Variants in TNIK observed in about 807,000 individuals in gnomAD.
TNIK encodes TRAF2 and NCK interacting kinase, also known as TRAF2 and NCK-interacting protein kinase.
In TNIK, 49 loss-of-function variants were observed where a neutral mutation model predicts 191.3. The observed-to-expected ratio is 0.26, with a 90% CI of 0.20 to 0.32. The LOEUF (loss-of-function observed/expected upper bound fraction) is 0.32, where lower values mean the gene tolerates loss of function less well. TNIK is among the 10% of genes least tolerant of loss of function. TNIK has a pLI of 1.00. For missense variants in TNIK, 1,155 were observed against 1,702.3 expected (o/e 0.68, Z 5.66); for synonymous variants, 594 against 600.9 (o/e 0.99, Z 0.17).
intron 2 of TNIK, among the ~76,000 whole-genome samples, chr3:171,311,066 G>A (rs1190336041): frequency 1.3e-5 from 2 of 152,000 alleles, no homozygotes; most frequent in African/African-American, 2.4e-5. Context: ...GTGGGATGGT[G>A]AGAATGTAAT....
At chr3:171,112,702 T>C (rs1726029750) in intron 18 of TNIK, among the ~76,000 whole-genome samples, 1 of 152,200 alleles carries the variant, frequency 6.6e-6, no homozygotes, top group African/African-American at 2.4e-5. Context: ...TTTTCCTTTT[T>C]ATATATGGAA....
At chr3:171,459,696 A>G (rs1236946053) in intron 1 of TNIK, among the ~76,000 whole-genome samples, 1 of 151,710 alleles carries the variant, frequency 6.6e-6, no homozygotes, top group African/African-American at 2.4e-5. Context: ...ACACACACAC[A>G]CACACACGCA....
intron 2 of TNIK, among the ~76,000 whole-genome samples, chr3:171,257,628 G>A (rs925720120): frequency 6.6e-6 from 1 of 152,186 alleles, no homozygotes; most frequent in Non-Finnish European, 1.5e-5. Context: ...TCAGGTACTT[G>A]AGAACCCATG....
chr3:171,300,198 T>C (rs1411228322), intron 2 of TNIK, among the ~76,000 whole-genome samples: 2 of 152,194 alleles, frequency 1.3e-5, no homozygotes, highest in African/African-American at 2.4e-5. Flanking sequence ...TCTTTAGATA[T>C]GAGCACATTT....
chr3:171,454,354 G>C (rs1728553050), intron 1 of TNIK, among the ~76,000 whole-genome samples: 1 of 152,080 alleles, frequency 6.6e-6, no homozygotes, highest in African/African-American at 2.4e-5. Context: ...AGGCCGAACG[G>C]GCAAGACTCG....
At chr3:171,091,839 C>A (rs1471476742) in intron 23 of TNIK, among the ~76,000 whole-genome samples, 1 of 152,180 alleles carries the variant, frequency 6.6e-6, no homozygotes, top group East Asian at 1.9e-4. Flanking sequence ...ATTTAAAAAA[C>A]CCACATTGAG....
intron 2 of TNIK, among the ~76,000 whole-genome samples, chr3:171,256,869 T>C (rs1746943728): frequency 6.6e-6 from 1 of 152,162 alleles, no homozygotes; most frequent in African/African-American, 2.4e-5. Context: ...TCCTCTGCAC[T>C]TCCCCAGGGG....
chr3:171,269,664 A>G (rs1209369258), intron 2 of TNIK, among the ~76,000 whole-genome samples: 1 of 152,212 alleles, frequency 6.6e-6, no homozygotes, highest in Admixed American at 6.5e-5. Context: ...AGTTATCCCA[A>G]AAAGCACAGC....
intron 7 of TNIK, among the ~76,000 whole-genome samples, chr3:171,188,169 A>G (rs939293121): frequency 2.6e-5 from 4 of 152,234 alleles, no homozygotes; most frequent in African/African-American, 9.6e-5. Flanking sequence ...TCACAAATCA[A>G]ATTTCTATGA....
rs369743915 is a variant in TNIK at position 171,284,164 on chromosome 3, A to G, written c.124-55943T>C. On this transcript the variant is annotated intron_variant, in intron 2 of 32. Coordinates refer to ENST00000436636, the MANE Select transcript of TNIK (RefSeq NM_015028.4). ...GCAGGAATTTGTGTCTTAGCCCCTC[A>G]TTGTTAAGATTCTGATGCACACTAA... Among the ~76,000 whole-genome samples, 16 of 152,244 alleles carry G rather than the reference A, an allele frequency of 1.1e-4. No homozygotes were observed. In the East Asian group the frequency reaches 1.7e-3, roughly 17 times the overall value.
chr3:171,380,604 G>C (rs1473713118), intron 1 of TNIK, among the ~76,000 whole-genome samples: 1 of 152,170 alleles, frequency 6.6e-6, no homozygotes, highest in East Asian at 1.9e-4. Flanking sequence ...TAGGTAAAAG[G>C]GACCTAACTC....
At chr3:171,076,142 G>A (rs1414591245) in intron 28 of TNIK, among the ~76,000 whole-genome samples, 1 of 151,436 alleles carries the variant, frequency 6.6e-6, no homozygotes, top group Non-Finnish European at 1.5e-5. Flanking sequence ...AAAACTGTGA[G>A]TGACATGTTA....
At chr3:171,219,666 G>A (rs1420943194) in intron 3 of TNIK, among the ~76,000 whole-genome samples, 1 of 152,156 alleles carries the variant, frequency 6.6e-6, no homozygotes, top group African/African-American at 2.4e-5. Flanking sequence ...GGTCATTAGA[G>A]AAATGCAAAT....
At position 171,197,422 on chromosome 3, in the gene TNIK, T is replaced by C. The variant is rs375606952; in HGVS notation, c.307-2787A>G. On this transcript the variant is annotated intron_variant, in intron 4 of 32. Transcript: ENST00000436636. Reference sequence around the variant, plus strand: ...GAAAAAATTAATTTTATCAAAATTATAAGCATTTGTGAATGAAAGGACACT... The same window carrying C: ...GAAAAAATTAATTTTATCAAAATTACAAGCATTTGTGAATGAAAGGACACT... 2.0e-5 allele frequency among the ~76,000 whole-genome samples: 3 copies of C among 152,192 alleles called. No individual in the cohort carries two copies. In the East Asian group the frequency reaches 5.8e-4, roughly 29 times the overall value.
At chr3:171,336,784 T>C (rs997326216) in intron 2 of TNIK, among the ~76,000 whole-genome samples, 7 of 152,190 alleles carry the variant, frequency 4.6e-5, no homozygotes, top group African/African-American at 1.4e-4. Context: ...CCAATTGTGA[T>C]ACCAAATAAA....
rs748472999 is a variant in TNIK, at chr3:171,093,853, A to G, written c.2707T>C (p.Leu903=). Residue 903 remains leucine (L), a synonymous_variant, in exon 23 of 33, where the codon TTG becomes CTG. Coordinates refer to ENST00000436636, the MANE Select transcript of TNIK (RefSeq NM_015028.4). ...TACCAACTTACCTCTCTAATCATCA[A>G]GGTTCCTTCTCTTGAAATACTGCCG... ...FSGSISREGT[L]MIRETSGEKK... 1 of 1,613,708 alleles carries G rather than the reference A, an allele frequency of 6.2e-7. No individual in the cohort carries two copies. Among genetic ancestry groups the G allele is most frequent in the South Asian group, 1.1e-5 (1 of 91,062 alleles).
chr3:171,113,616 A>G (rs540780907), intron 18 of TNIK, among the ~76,000 whole-genome samples: 6 of 152,066 alleles, frequency 3.9e-5, no homozygotes, highest in Admixed American at 3.3e-4. Flanking sequence ...TCTCGAAAAA[A>G]AAAAAAAGCA....
intron 3 of TNIK, among the ~76,000 whole-genome samples, chr3:171,219,095 T>TATAATTATAAATATATATTTTATATAA (rs1183494847): frequency 3.8e-5 from 5 of 132,746 alleles, no homozygotes; most frequent in Admixed American, 1.7e-4. Context: ...TATATAAATA[T>TATAATTATAAATATATATTTTATATAA]ATAATTATAA....
chr3:171,176,160 CCTGT>C (rs1417991519), intron 8 of TNIK, among the ~76,000 whole-genome samples: 1 of 152,120 alleles, frequency 6.6e-6, no homozygotes, highest in African/African-American at 2.4e-5. Context: ...TATTTTTAGC[CCTGT>C]CTACCACTCA....
Sources: allele counts gnomAD v4.1 joint callset (sites outside exome capture counted in the v4.1 genomes callset), GRCh38; gene constraint gnomAD v4.1.1; transcripts MANE v1.5; gene names NCBI Gene and HGNC (gene_info 2026-07-23, HGNC 2026-07-21).